Variants in ESPN observed in about 807,000 individuals in gnomAD.
ESPN encodes autosomal recessive deafness type 36 protein.
A neutral mutation model predicts 77.7 loss-of-function variants in ESPN; 68 were observed. That is an observed-to-expected ratio of 0.87 (90% CI 0.72 to 1.07). ESPN has a LOEUF of 1.07. Ranked by LOEUF, ESPN falls within the 50% of genes least tolerant of loss-of-function variation. The probability of loss-of-function intolerance (pLI) is 0.00; values close to 1 mark genes in which losing one functional copy is unlikely to be tolerated. For synonymous variants in ESPN, 449 were observed against 567.1 expected, an observed-to-expected ratio of 0.79 and a Z score of 2.96; for missense variants, 1,060 against 1,239.0, an observed-to-expected ratio of 0.86 and a Z score of 2.17.
intron 2 of ESPN, among the ~76,000 whole-genome samples, chr1:6,432,108 T>C (rs943860944): frequency 1.3e-5 from 2 of 152,174 alleles, no homozygotes; most frequent in Non-Finnish European, 2.9e-5. Flanking sequence ...TGTGCAAGGC[T>C]TCATGGAGCC....
intron 12 of ESPN, among the ~76,000 whole-genome samples, chr1:6,458,657 G>A (rs565423828): frequency 1.5e-4 from 22 of 151,408 alleles, no homozygotes; most frequent in African/African-American, 4.6e-4. Flanking sequence ...GGGGCTGGGC[G>A]CAGTGGCTCA....
chr1:6,455,073 G>A (rs1163135285), intron 10 of ESPN: 1 of 383,308 alleles, frequency 2.6e-6, no homozygotes, highest in African/African-American at 2.1e-5. Flanking sequence ...CTTGGAGGAG[G>A]ACTACGTGGC....
Position 6,424,910 on chromosome 1 carries a change from C to G in ESPN, c.-46C>G. The G allele has an allele frequency of 7.1e-7, 1 of 1,414,480 alleles. No individual in the cohort carries two copies. Among genetic ancestry groups the G allele is most frequent in the South Asian group, 1.4e-5 (1 of 70,694 alleles). The allele number at this position is 1,414,480 out of a possible 1,614,324, so 87.6% of individuals were successfully genotyped here. A position where few individuals can be genotyped will look rare whatever the true frequency, so the allele number is the denominator to read the frequency against. ...CCCGCAAGAACACGTGCATGGCGTC[C>G]TGGGGAAGGCGCTGAGTGCGGAGTC... On this transcript the variant is annotated 5_prime_UTR_variant, in exon 1 of 13. Coordinates refer to ENST00000645284, the MANE Select transcript of ESPN (RefSeq NM_031475.3).
At chr1:6,435,291 G>A (rs1033423881) in intron 2 of ESPN, among the ~76,000 whole-genome samples, 4 of 152,196 alleles carry the variant, frequency 2.6e-5, no homozygotes, top group African/African-American at 9.7e-5. Context: ...ATGACTGGCA[G>A]TGGGGAGGGC....
intron 10 of ESPN, among the ~76,000 whole-genome samples, chr1:6,453,984 G>A (rs961641937): frequency 1.3e-5 from 2 of 152,216 alleles, no homozygotes; most frequent in Admixed American, 6.5e-5. Context: ...CAGGGAGCGG[G>A]AAGGCTTGGG....
intron 2 of ESPN, among the ~76,000 whole-genome samples, chr1:6,431,498 G>A (rs1643245298): frequency 6.6e-6 from 1 of 152,058 alleles, no homozygotes; most frequent in African/African-American, 2.4e-5. Context: ...TGTACAGGTG[G>A]CCCATGCCTG....
intron 12 of ESPN, 93 bp from the exon 13 acceptor site, chr1:6,459,906 G>C (rs2148552070): frequency 6.5e-7 from 1 of 1,531,716 alleles, no homozygotes; most frequent in South Asian, 1.1e-5. Context: ...TGGGTGACCT[G>C]GCCTCTGCCT....
intron 5 of ESPN, among the ~76,000 whole-genome samples, chr1:6,444,214 C>T (rs1410666114): frequency 6.6e-6 from 1 of 152,198 alleles, no homozygotes; most frequent in East Asian, 1.9e-4. Context: ...GGGCCCCCTC[C>T]TTGTCGATCT....
intron 2 of ESPN, among the ~76,000 whole-genome samples, chr1:6,436,727 G>A (rs544967588): frequency 7.9e-5 from 12 of 152,144 alleles, no homozygotes; most frequent in African/African-American, 2.2e-4. Context: ...GGCTGGTCTC[G>A]AACTCCTAGG....
chr1:6,426,687 T>C (rs1643047521), intron 1 of ESPN, among the ~76,000 whole-genome samples: 1 of 152,088 alleles, frequency 6.6e-6, no homozygotes, highest in Non-Finnish European at 1.5e-5. Flanking sequence ...CCCCTGGAGC[T>C]TCAGACCCAC....
rs2311045 is a variant in ESPN at position 6,440,984 on chromosome 1, C to G, written c.909C>G (p.Arg303=). 216,905 of 1,606,166 alleles carry G rather than the reference C, an allele frequency of 0.14. 15,663 individuals carry two copies. The highest frequency in any genetic ancestry group is 0.25 in the African/African-American group (19,004 of 74,846). ...VNGAELDVRD[R]DGYTAADLSD... ...GCGCGGAGCTGGACGTCCGCGACCG[C>G]GACGGGTACACGGCCGCCGACCTGT... Residue 303 remains arginine, a synonymous_variant, in exon 5 of 13, where the codon CGC becomes CGG. Coordinates refer to ENST00000645284, the MANE Select transcript of ESPN (RefSeq NM_031475.3).
intron 12 of ESPN, among the ~76,000 whole-genome samples, chr1:6,459,760 C>A (rs935922485): frequency 5.9e-5 from 9 of 152,190 alleles, no homozygotes; most frequent in African/African-American, 1.9e-4. Flanking sequence ...TCCAGTAAAA[C>A]CCCAGCCCAC....
chr1:6,441,863 C>T (rs983199831), intron 5 of ESPN, among the ~76,000 whole-genome samples: 1 of 152,302 alleles, frequency 6.6e-6, no homozygotes, highest in Non-Finnish European at 1.5e-5. Flanking sequence ...CTGCCCTCCC[C>T]CCCCCAGCAC....
At chr1:6,443,694 C>T (rs548883921) in intron 5 of ESPN, among the ~76,000 whole-genome samples, 3 of 152,372 alleles carry the variant, frequency 2.0e-5, no homozygotes, top group South Asian at 2.1e-4. Context: ...CCAATGAGCG[C>T]GGCCGCTGAG....
rs1216157700 is a variant in ESPN at position 6,445,876 on chromosome 1, A to G, written c.1405A>G (p.Ile469Val). Residue 469 changes from isoleucine to valine, a missense_variant, in exon 7 of 13, where the codon ATC (isoleucine) becomes GTC (valine). Ile to Val is a conservative substitution (Grantham distance 29). Coordinates refer to ENST00000645284, the MANE Select transcript of ESPN (RefSeq NM_031475.3). ...TCCTGTAGGACCACAGGCAGCTGAC[A>G]TCTACATGCAGACCAAGAACAAACT... ...KPPVGPQAAD[I>V]YMQTKNKLRH... 7 of 1,611,272 alleles carry G rather than the reference A, an allele frequency of 4.3e-6. No homozygotes were observed. The highest frequency in any genetic ancestry group is 1.7e-5 in the Admixed American group (1 of 59,822).
chr1:6,442,364 A>C (rs1487542288), intron 5 of ESPN, among the ~76,000 whole-genome samples: 1 of 152,070 alleles, frequency 6.6e-6, no homozygotes, highest in African/African-American at 2.4e-5. Flanking sequence ...AGGTCAGTAG[A>C]TCGAGACCAT....
At chr1:6,459,618 C>G (rs1166631023) in intron 12 of ESPN, among the ~76,000 whole-genome samples, 3 of 152,082 alleles carry the variant, frequency 2.0e-5, no homozygotes, top group Non-Finnish European at 4.4e-5. Flanking sequence ...CCCCAGCAGC[C>G]CCACCCCAGT....
Position 6,451,525 on chromosome 1 carries a change from G to C in ESPN, c.1916-78G>C. 1.9e-6 allele frequency: 3 copies of C among 1,562,630 alleles called. No individual in the cohort carries two copies. Among genetic ancestry groups the C allele is most frequent in the Non-Finnish European group, 2.6e-6 (3 of 1,150,120 alleles). On this transcript the variant is annotated intron_variant, in intron 8 of 12. Transcript: ENST00000645284. The surrounding 1 kb of genome is among the most constrained non-coding windows in gnomAD (Gnocchi z 4.3). ...CCATCCAATCTTGGCTTAGGAAAGG[G>C]GCTGCAGAGGGGCGGGTGAGGGGTG... is the stretch of plus-strand genomic sequence containing the variant.
At chr1:6,448,345 C>T (rs1156303900) in intron 7 of ESPN, 3 of 365,322 alleles carry the variant, frequency 8.2e-6, no homozygotes, top group Non-Finnish European at 1.5e-5. Context: ...GGCGTCGGGG[C>T]TGGGCCACCC....
Sources: allele counts gnomAD v4.1 joint callset (sites outside exome capture counted in the v4.1 genomes callset), GRCh38; gene constraint gnomAD v4.1.1; non-coding constraint Gnocchi (gnomAD v3.1); transcripts MANE v1.5; gene names NCBI Gene and HGNC (gene_info 2026-07-23, HGNC 2026-07-21).